The following USP34 variants were observed in gnomAD, a reference collection of about 807,000 sequenced individuals.
The protein encoded by USP34 is ubiquitin carboxyl-terminal hydrolase 34.
A neutral mutation model predicts 460.3 loss-of-function variants in USP34; 70 were observed. That is an observed-to-expected ratio of 0.15 (90% CI 0.13 to 0.19). USP34 has a LOEUF of 0.19. Among genes scored for constraint, USP34 ranks in the 10% least tolerant of loss-of-function variants. USP34 has a pLI of 1.00. For synonymous variants in USP34, 1,647 were observed against 1,405.3 expected (o/e 1.17, Z -3.85); for missense variants, 3,985 against 4,236.2 (o/e 0.94, Z 1.65).
At chr2:61,307,802 C>A (rs941320961) in intron 27 of USP34, among the ~76,000 whole-genome samples, 1 of 151,616 alleles carries the variant, frequency 6.6e-6, no homozygotes, top group Non-Finnish European at 1.5e-5. Context: ...AATCCAAGGA[C>A]TTTGGACGGC....
chr2:61,321,947 G>A (rs1285885182), intron 21 of USP34, among the ~76,000 whole-genome samples: 1 of 152,168 alleles, frequency 6.6e-6, no homozygotes, highest in African/African-American at 2.4e-5. Context: ...GAAAAAAGGA[G>A]GCCGGGCACG....
At chr2:61,440,842 A>T (rs924424840) in intron 1 of USP34, among the ~76,000 whole-genome samples, 1 of 151,798 alleles carries the variant, frequency 6.6e-6, no homozygotes, top group African/African-American at 2.4e-5. Context: ...AAAAAAAAAA[A>T]AAATTTCGGG....
In USP34 at chr2:61,281,209, A is replaced by G. The variant is rs1558507727; in HGVS notation, c.5032T>C (p.Tyr1678His). The G allele has an allele frequency of 6.2e-7, 1 of 1,614,110 alleles. No individual in the cohort carries two copies. The highest frequency in any genetic ancestry group is 8.5e-7 in the Non-Finnish European group (1 of 1,179,968). ...TCCAGCCCTGACAGGGATAACTTAT[A>G]GAGACCACTGCATGATTCATGACGA... is the stretch of plus-strand genomic sequence containing the variant. ...AVRHESCSGL[Y>H]KLSLSGLDGG... Residue 1678 changes from tyrosine (Y) to histidine (H), a missense_variant, in exon 38 of 80, where the codon TAT becomes CAT. Around this residue, in one of 14 missense-constraint regions of USP34, gnomAD observed 1,114 missense variants for 1,122.5 expected, o/e 0.99. Transcript: ENST00000398571.
At chr2:61,209,157 C>T (rs1687202526) in intron 69 of USP34, among the ~76,000 whole-genome samples, 180 bp from the exon 70 acceptor site, 1 of 152,112 alleles carries the variant, frequency 6.6e-6, no homozygotes, top group Admixed American at 6.5e-5. Flanking sequence ...TAAATAAACT[C>T]TAACTAAAAA....
chr2:61,342,531 C>T (rs1444406475), intron 16 of USP34, among the ~76,000 whole-genome samples: 2 of 151,498 alleles, frequency 1.3e-5, no homozygotes, highest in South Asian at 2.1e-4. Context: ...AGACTAGTCT[C>T]GAACTCCTGA....
intron 66 of USP34, among the ~76,000 whole-genome samples, chr2:61,221,117 G>T (rs112654882): frequency 1.3e-5 from 2 of 152,174 alleles, no homozygotes; most frequent in Admixed American, 6.5e-5. Context: ...CCCTGGTCTT[G>T]AGCTTTTCCA....
intron 10 of USP34, among the ~76,000 whole-genome samples, chr2:61,355,122 T>C (rs1463527477): frequency 6.6e-6 from 1 of 152,204 alleles, no homozygotes; most frequent in Non-Finnish European, 1.5e-5. Flanking sequence ...TTAGTAATTG[T>C]TGGAATGAAC....
chr2:61,433,454 T>C (rs1694732558), intron 1 of USP34, among the ~76,000 whole-genome samples: 1 of 151,886 alleles, frequency 6.6e-6, no homozygotes, highest in Non-Finnish European at 1.5e-5. Context: ...GCCAAGAAGG[T>C]GAAACCCCAT....
At chr2:61,323,767 A>G (rs1214431434) in intron 21 of USP34, among the ~76,000 whole-genome samples, 1 of 152,174 alleles carries the variant, frequency 6.6e-6, no homozygotes, top group Non-Finnish European at 1.5e-5. Flanking sequence ...TATGTTGACT[A>G]TATGTGTTTT....
chr2:61,319,425 C>T (rs188940472), intron 21 of USP34, 98 bp from the exon 22 acceptor site: 2 of 787,680 alleles, frequency 2.5e-6, no homozygotes, highest in South Asian at 9.4e-5. Context: ...TCACTTAACA[C>T]AGATAGGTTC....
chr2:61,466,898 T>A (rs1408927787), intron 1 of USP34, among the ~76,000 whole-genome samples: 4 of 147,734 alleles, frequency 2.7e-5, no homozygotes, highest in Non-Finnish European at 3.0e-5. Context: ...TTAGACTCCG[T>A]GTCAAAAAAA....
chr2:61,201,727 G>C (rs981917463), intron 75 of USP34, among the ~76,000 whole-genome samples: 3 of 152,136 alleles, frequency 2.0e-5, no homozygotes, highest in Non-Finnish European at 4.4e-5. Flanking sequence ...ACCCAAAACA[G>C]GGTAGAACAT....
intron 10 of USP34, 122 bp downstream of exon 10, chr2:61,370,199 C>A (rs760402536): frequency 3.0e-4 from 290 of 957,038 alleles, no homozygotes; most frequent in Non-Finnish European, 4.2e-4. Flanking sequence ...GATTTCAGTC[C>A]CAGCTTGTCC....
rs1246309539 is a variant in USP34 at position 61,283,398 on chromosome 2, G to A, written c.4873+11C>T. The A allele has an allele frequency of 1.9e-6, 3 of 1,597,608 alleles. No individual in the cohort carries two copies. The highest frequency in any genetic ancestry group is 1.4e-5 in the African/African-American group (1 of 73,850). On this transcript the variant is annotated intron_variant, in intron 36 of 79. Coordinates refer to ENST00000398571, the MANE Select transcript of USP34 (RefSeq NM_014709.4). ...TTTATTTATTAAAAGTTAACTTTGT[G>A]GAACCCTTACCTTCATGTCTAGACC...
At chr2:61,193,026 A>C (rs2103739344) in intron 75 of USP34, 46 bp from the exon 76 acceptor site, 1 of 1,458,690 alleles carries the variant, frequency 6.9e-7, no homozygotes, top group Non-Finnish European at 9.5e-7. Context: ...TATAAATTAT[A>C]CTAGTGAGAT....
intron 1 of USP34, among the ~76,000 whole-genome samples, chr2:61,467,154 T>C (rs1441071854): frequency 6.6e-6 from 1 of 151,642 alleles, no homozygotes; most frequent in East Asian, 1.9e-4. Context: ...AATACAAAAA[T>C]TAGCTGGGCA....
chr2:61,408,561 AAC>A (rs1425309997), intron 2 of USP34, among the ~76,000 whole-genome samples: 1 of 152,178 alleles, frequency 6.6e-6, no homozygotes, highest in Non-Finnish European at 1.5e-5. Context: ...TCTTCTGATT[AAC>A]AGCTTTTTCC....
At chr2:61,294,391 A>G (rs1292699143) in intron 32 of USP34, among the ~76,000 whole-genome samples, 2 of 152,034 alleles carry the variant, frequency 1.3e-5, no homozygotes, top group Non-Finnish European at 2.9e-5. Context: ...GCCTATAAAC[A>G]TCTTTCTATT....
At chr2:61,378,315 T>A (rs374911709) in intron 8 of USP34, 48 bp downstream of exon 8, 82 of 1,321,388 alleles carry the variant, frequency 6.2e-5, no homozygotes, top group Non-Finnish European at 8.4e-5. Context: ...TATAAACAAC[T>A]GTACATTAAA....
Sources: gnomAD v4.1 joint callset for allele counts (sites outside exome capture counted in the v4.1 genomes callset) on GRCh38, gnomAD v4.1.1 for gene constraint, gnomAD v4.1.1 regional missense constraint, MANE v1.5 for transcripts, NCBI Gene and HGNC (gene_info 2026-07-23, HGNC 2026-07-21) for gene names.